Variants in MYOF observed in about 807,000 individuals in gnomAD.
MYOF encodes fer-1-like 3, myoferlin.
A neutral mutation model predicts 284.2 loss-of-function variants in MYOF; 244 were observed. The observed-to-expected ratio is 0.86, with a 90% CI of 0.77 to 0.95. MYOF has a LOEUF of 0.95. MYOF is among the 40% of genes least tolerant of loss of function. The pLI, the probability that MYOF is intolerant of heterozygous loss-of-function variation, is 0.00. For synonymous variants in MYOF, 904 were observed against 919.7 expected (o/e 0.98, Z 0.31); for missense variants, 2,496 against 2,560.6 (o/e 0.97, Z 0.54).
At chr10:93,320,832 A>C (rs1239173340) in intron 48 of MYOF, among the ~76,000 whole-genome samples, 3 of 152,296 alleles carry the variant, frequency 2.0e-5, no homozygotes, top group South Asian at 2.1e-4. Flanking sequence ...ATCACATTAG[A>C]ATCGACTGGG....
In MYOF at chr10:93,333,742, A is replaced by G. The variant is rs1194223335; in HGVS notation, c.4719+16T>C. On this transcript the variant is annotated intron_variant, in intron 42 of 53. Transcript: ENST00000359263. ...TTATCTTGCTACAGGAGAAGGCCCC[A>G]CACCCAAACTCTTACCAGGCCATTG... 1.2e-6 allele frequency: 2 copies of G among 1,612,234 alleles called. No homozygotes were observed. Among genetic ancestry groups the G allele is most frequent in the Non-Finnish European group, 1.7e-6 (2 of 1,178,642 alleles).
chr10:93,378,693 G>GTGTATATATA, intron 21 of MYOF, among the ~76,000 whole-genome samples: 56 of 87,894 alleles, frequency 6.4e-4, no homozygotes, highest in South Asian at 1.1e-3. Context: ...GTGTGTGTGT[G>GTGTATATATA]TATATATATA....
At chr10:93,481,488 A>G (rs1013430721) in intron 1 of MYOF, among the ~76,000 whole-genome samples, 6 of 152,224 alleles carry the variant, frequency 3.9e-5, no homozygotes, top group African/African-American at 1.2e-4. Flanking sequence ...AGATAGAACT[A>G]GATCCCCAAA....
intron 31 of MYOF, 75 bp downstream of exon 31, chr10:93,355,553 C>A: frequency 8.2e-7 from 1 of 1,216,378 alleles, no homozygotes; most frequent in Non-Finnish European, 1.2e-6. Context: ...GCACTCCAGC[C>A]TGGGTGATAG....
intron 46 of MYOF, among the ~76,000 whole-genome samples, chr10:93,325,157 C>T (rs1224259581): frequency 6.6e-6 from 1 of 152,212 alleles, no homozygotes; most frequent in African/African-American, 2.4e-5. Flanking sequence ...CACCCTAGAC[C>T]TACTGGATCC....
At chr10:93,381,093 A>G (rs768104804) in intron 20 of MYOF, 126 bp downstream of exon 20, 4 of 1,072,400 alleles carry the variant, frequency 3.7e-6, no homozygotes, top group Admixed American at 2.3e-5. Flanking sequence ...TCCTCATTCA[A>G]CCTTTTCCTT....
At chr10:93,317,296 C>T (rs1842655471) in intron 49 of MYOF, among the ~76,000 whole-genome samples, 2 of 137,878 alleles carry the variant, frequency 1.5e-5, no homozygotes, top group Non-Finnish European at 3.0e-5. Flanking sequence ...TCTACTTCTG[C>T]TCTTTTATCA....
intron 7 of MYOF, among the ~76,000 whole-genome samples, chr10:93,406,288 T>TTATATACATATATATATATA (rs1847574381): frequency 1.7e-5 from 1 of 58,128 alleles, no homozygotes; most frequent in African/African-American, 3.9e-5. Flanking sequence ...TAAACCTCTT[T>TTATATACATATATATATATA]TATATATATA....
intron 3 of MYOF, 76 bp downstream of exon 3, chr10:93,451,974 A>T (rs928186486): frequency 9.8e-7 from 1 of 1,016,656 alleles, no homozygotes; most frequent in Non-Finnish European, 1.5e-6. Flanking sequence ...GTTATTAAAG[A>T]TGTGTCTCTT....
At chr10:93,395,429 C>T (rs552509515) in intron 16 of MYOF, among the ~76,000 whole-genome samples, 4 of 152,238 alleles carry the variant, frequency 2.6e-5, no homozygotes, top group Non-Finnish European at 4.4e-5. Flanking sequence ...GGTGACAGAG[C>T]GAGACTCTAT....
At chr10:93,377,249 A>G in intron 22 of MYOF, 74 bp downstream of exon 22, 8 of 1,065,336 alleles carry the variant, frequency 7.5e-6, no homozygotes, top group African/African-American at 3.1e-5. Flanking sequence ...ACAATTCCAC[A>G]GGATTTACAG....
intron 38 of MYOF, among the ~76,000 whole-genome samples, chr10:93,342,337 T>G (rs1348096894): frequency 7.1e-6 from 1 of 139,896 alleles, no homozygotes; most frequent in African/African-American, 2.4e-5. Context: ...AAAGTGCAAC[T>G]TTGTTCATTT....
intron 9 of MYOF, among the ~76,000 whole-genome samples, chr10:93,403,167 G>T (rs936373241): frequency 4.6e-5 from 7 of 152,222 alleles, no homozygotes; most frequent in Non-Finnish European, 1.0e-4. Flanking sequence ...GTTTGCCTGG[G>T]TTATCCTCAG....
chr10:93,330,566 G>C (rs1843251822), intron 43 of MYOF, among the ~76,000 whole-genome samples: 1 of 152,178 alleles, frequency 6.6e-6, no homozygotes, highest in South Asian at 2.1e-4. Context: ...AGTTCTTTAA[G>C]GCTTTTCTAT....
chr10:93,363,933 G>C, intron 27 of MYOF, 28 bp downstream of exon 27: 2 of 1,603,180 alleles, frequency 1.2e-6, no homozygotes, highest in Non-Finnish European at 1.7e-6. Context: ...TGACAGGTGA[G>C]AGTTTCTCTC....
chr10:93,313,276 A>G, intron 50 of MYOF, 66 bp from the exon 51 acceptor site: 1 of 1,488,666 alleles, frequency 6.7e-7, no homozygotes, highest in Non-Finnish European at 9.2e-7. Context: ...TCACAAGTGA[A>G]CAGAACGTTC....
intron 13 of MYOF, among the ~76,000 whole-genome samples, chr10:93,399,037 G>A (rs1388102432): frequency 7.9e-6 from 1 of 127,274 alleles, no homozygotes; most frequent in Non-Finnish European, 1.8e-5. Context: ...ACTGGGGGGG[G>A]GTCTCTGTCC....
At chr10:93,360,025 A>G (rs1406051796) in intron 28 of MYOF, 47 bp from the exon 29 acceptor site, 1 of 1,610,136 alleles carries the variant, frequency 6.2e-7, no homozygotes, top group Non-Finnish European at 8.5e-7. Context: ...TGCATTTGCC[A>G]GATCACCAAA....
In MYOF at chr10:93,310,588, G is replaced by A; in HGVS notation, c.5945C>T (p.Pro1982Leu). The part of the protein sequence containing the change: ...ILNEKEADER[P>L]AGKGRDEPNM... ...GGGTTCGTCCCGCCCCTTCCCGGCTGGCCTCTCGTCGGCCTCCTTCTCGTT... is the reference window on the plus strand; with the variant it reads ...GGGTTCGTCCCGCCCCTTCCCGGCTAGCCTCTCGTCGGCCTCCTTCTCGTT... Residue 1982 changes from proline (P) to leucine (L), a missense_variant, in exon 52 of 54, where the codon CCA becomes CTA. This residue lies in a region of MYOF where 2,436 missense variants were observed against 2,480.7 expected (regional missense o/e 0.98). Coordinates refer to ENST00000359263, the MANE Select transcript of MYOF (RefSeq NM_013451.4). 1 of 1,613,490 alleles carries A rather than the reference G, an allele frequency of 6.2e-7. No individual in the cohort carries two copies. Among genetic ancestry groups the A allele is most frequent in the Non-Finnish European group, 8.5e-7 (1 of 1,179,744 alleles).
Sources: gnomAD v4.1 joint callset for allele counts (sites outside exome capture counted in the v4.1 genomes callset) on GRCh38, gnomAD v4.1.1 for gene constraint, gnomAD v4.1.1 regional missense constraint, MANE v1.5 for transcripts, NCBI Gene and HGNC (gene_info 2026-07-23, HGNC 2026-07-21) for gene names.